LRRC63: variants seen among roughly 807,000 people sequenced by gnomAD.
LRRC63 encodes leucine-rich repeat-containing protein 63.
A neutral mutation model predicts 49.5 loss-of-function variants in LRRC63; 40 were observed. The ratio of observed to expected loss-of-function variants is 0.81; its 90% confidence interval spans 0.63 to 1.05. The LOEUF (loss-of-function observed/expected upper bound fraction) is 1.05, where lower values mean the gene tolerates loss of function less well. Ranked by LOEUF, LRRC63 falls within the 50% of genes least tolerant of loss-of-function variation. The probability of loss-of-function intolerance (pLI) is 0.00; values close to 1 mark genes in which losing one functional copy is unlikely to be tolerated. For synonymous variants in LRRC63, 191 were observed against 221.1 expected (o/e 0.86, Z 1.21); for missense variants, 636 against 663.1 (o/e 0.96, Z 0.45).
intron 8 of LRRC63, among the ~76,000 whole-genome samples, chr13:46,266,389 A>G (rs1012369879): frequency 1.3e-5 from 2 of 152,178 alleles, no homozygotes; most frequent in African/African-American, 4.8e-5. Context: ...TTGTCTATGA[A>G]AATATATTCT....
At chr13:46,221,215 A>G (rs1444753495) in intron 2 of LRRC63, among the ~76,000 whole-genome samples, 1 of 152,244 alleles carries the variant, frequency 6.6e-6, no homozygotes, top group African/African-American at 2.4e-5. Context: ...GATGGATTGC[A>G]TAGGGTTTAA....
At chr13:46,251,717 A>G (rs1245648289) in intron 7 of LRRC63, among the ~76,000 whole-genome samples, 1 of 151,924 alleles carries the variant, frequency 6.6e-6, no homozygotes, top group East Asian at 1.9e-4. Context: ...ACAATTACAT[A>G]TATACACACA....
intron 2 of LRRC63, among the ~76,000 whole-genome samples, chr13:46,214,342 T>C (rs2046183575): frequency 6.6e-6 from 1 of 152,232 alleles, no homozygotes; most frequent in South Asian, 2.1e-4. Flanking sequence ...CTCCCAACTT[T>C]TGTTACATGA....
At chr13:46,270,063 C>T (rs1224715355) in intron 9 of LRRC63, 8 of 568,532 alleles carry the variant, frequency 1.4e-5, no homozygotes, top group East Asian at 6.0e-5. Flanking sequence ...GGGGTGGTGG[C>T]GCCTGAGGTC....
chr13:46,225,338 G>A (rs917800521), intron 2 of LRRC63, among the ~76,000 whole-genome samples: 8 of 152,228 alleles, frequency 5.3e-5, no homozygotes, highest in African/African-American at 1.9e-4. Context: ...TGAGGTTGTA[G>A]TCACTACTTA....
chr13:46,267,894 A>G (rs1454037445), intron 9 of LRRC63, among the ~76,000 whole-genome samples: 3 of 152,198 alleles, frequency 2.0e-5, no homozygotes, highest in Admixed American at 2.0e-4. Context: ...AGATTCCTGA[A>G]TTGCATGTGG....
At position 46,234,353 on chromosome 13, in the gene LRRC63, T is replaced by C. The variant is rs2046847480; in HGVS notation, c.990+4T>C. The C allele has an allele frequency of 1.3e-6, 2 of 1,548,508 alleles. No homozygotes were observed. Among genetic ancestry groups the C allele is most frequent in the Non-Finnish European group, 1.7e-6 (2 of 1,145,706 alleles). Reference sequence around the variant, plus strand: ...GAGAAATGCACTTAATCTGAAGGTATGCTAGATCTTTTTAATGACAGTGCC... The same window carrying C: ...GAGAAATGCACTTAATCTGAAGGTACGCTAGATCTTTTTAATGACAGTGCC... On this transcript the variant is annotated splice_donor_region_variant and intron_variant, in intron 5 of 9. Coordinates refer to ENST00000595396, the Ensembl canonical transcript of LRRC63.
chr13:46,252,286 G>A (rs543291189), intron 7 of LRRC63, among the ~76,000 whole-genome samples: 129 of 152,042 alleles, frequency 8.5e-4, no homozygotes, highest in African/African-American at 2.8e-3. Flanking sequence ...AAGACCTCAC[G>A]GAGTGTGGTG....
At chr13:46,246,693 C>A (rs116285442) in intron 6 of LRRC63, 68 bp downstream of exon 6, 1 of 726,084 alleles carries the variant, frequency 1.4e-6, no homozygotes, top group East Asian at 3.3e-5. Flanking sequence ...TAAAAATAGA[C>A]GTCTTTTAAT....
chr13:46,213,422 T>TG (rs2046152742), intron 2 of LRRC63, among the ~76,000 whole-genome samples: 1 of 152,238 alleles, frequency 6.6e-6, no homozygotes. Flanking sequence ...CCAACACACA[T>TG]GCCTCCAGCT....
chr13:46,226,103 C>A (rs1295564425), intron 2 of LRRC63, among the ~76,000 whole-genome samples: 1 of 152,066 alleles, frequency 6.6e-6, no homozygotes, highest in Non-Finnish European at 1.5e-5. Flanking sequence ...CCCACCTCAG[C>A]CTTCTGAGTA....
At chr13:46,251,084 A>G (rs1482739445) in intron 7 of LRRC63, among the ~76,000 whole-genome samples, 1 of 151,884 alleles carries the variant, frequency 6.6e-6, no homozygotes, top group Non-Finnish European at 1.5e-5. Flanking sequence ...AAATGTCAAA[A>G]CAAGATACTT....
intron 9 of LRRC63, among the ~76,000 whole-genome samples, chr13:46,275,353 G>T (rs878957822): frequency 6.6e-6 from 1 of 152,146 alleles, no homozygotes; most frequent in East Asian, 1.9e-4. Flanking sequence ...GAGATTGCTG[G>T]ATAGTATGAT....
At position 46,213,128 on chromosome 13, in the gene LRRC63, A is replaced by G. The variant is rs1485605829; in HGVS notation, c.85+9A>G. The G allele has an allele frequency of 2.7e-5, 40 of 1,486,344 alleles. No individual in the cohort carries two copies. Among genetic ancestry groups the G allele is most frequent in the Non-Finnish European group, 3.5e-5 (38 of 1,093,060 alleles). 92.1% of individuals were successfully genotyped at this position (1,486,344 alleles called of 1,614,324 possible). A position where few individuals can be genotyped will look rare whatever the true frequency, so the allele number is the denominator to read the frequency against. ...GAAAAAAACCCATACAGGTATGTGTATTAATCAGATATGTGTATTAACATT... is the reference window on the plus strand; with the variant it reads ...GAAAAAAACCCATACAGGTATGTGTGTTAATCAGATATGTGTATTAACATT... On this transcript the variant is annotated intron_variant, in intron 2 of 9. Coordinates refer to ENST00000595396, the Ensembl canonical transcript of LRRC63.
exon 3 of LRRC63, chr13:46,228,097 C>A: frequency 6.4e-7 from 1 of 1,550,726 alleles, no homozygotes; most frequent in Non-Finnish European, 8.7e-7. Context: ...AAATCAACTG[C>A]TACATTGACA....
rs182864717 is a variant in LRRC63 at position 46,272,236 on chromosome 13, C to G, written c.1551-4354C>G. 2.2e-3 allele frequency among the ~76,000 whole-genome samples: 335 copies of G among 152,238 alleles called. 3 individuals are homozygous for G. Among genetic ancestry groups the G allele is most frequent in the Middle Eastern group, 0.01 (3 of 294 alleles). ...ATTATTTTTGGACCACAGTTGATAA[C>G]TGAAACTGTGGAAAGCAATACCTTC... On this transcript the variant is annotated intron_variant, in intron 9 of 9. Transcript: ENST00000595396.
rs79814865 is a variant in LRRC63 at position 46,243,173 on chromosome 13, T to G, written c.991-3354T>G. Among the ~76,000 whole-genome samples, 1,132 of 152,314 alleles carry G rather than the reference T, an allele frequency of 7.4e-3. 23 individuals are homozygous for G. Among genetic ancestry groups the G allele is most frequent in the African/African-American group, 0.026 (1,073 of 41,562 alleles). ...TGAAACATCAAGAAGTCAAAATATG[T>G]AGAAGGTGCTATTAAAGTGTGGAGT... On this transcript the variant is annotated intron_variant, in intron 5 of 9. Coordinates refer to ENST00000595396, the Ensembl canonical transcript of LRRC63.
chr13:46,250,537 A>G (rs1240185325), intron 7 of LRRC63, 46 bp downstream of exon 7: 91 of 1,414,622 alleles, frequency 6.4e-5, no homozygotes, highest in Non-Finnish European at 8.5e-5. Context: ...ATAATTCATA[A>G]TTTCGAAAAA....
intron 2 of LRRC63, among the ~76,000 whole-genome samples, chr13:46,224,023 C>T (rs946265852): frequency 6.6e-6 from 1 of 152,144 alleles, no homozygotes. Context: ...TATAATGTGC[C>T]ATGGGGAAGA....
Sources: allele counts gnomAD v4.1 joint callset (sites outside exome capture counted in the v4.1 genomes callset), GRCh38; gene constraint gnomAD v4.1.1; transcripts MANE v1.5; gene names NCBI Gene and HGNC (gene_info 2026-07-23, HGNC 2026-07-21).